The following WNK2 variants were observed in gnomAD, a reference collection of about 807,000 sequenced individuals.
WNK2 encodes serine/threonine-protein kinase WNK2.
In WNK2, 67 loss-of-function variants were observed where a neutral mutation model predicts 192.1. The observed-to-expected ratio is 0.35, with a 90% CI of 0.29 to 0.43. The LOEUF is 0.43. WNK2 is among the 20% of genes least tolerant of loss of function. The pLI, the probability that WNK2 is intolerant of heterozygous loss-of-function variation, is 1.00. For missense variants in WNK2, 2,698 were observed against 3,089.7 expected (o/e 0.87, Z 3.01); for synonymous variants, 1,439 against 1,393.9 (o/e 1.03, Z -0.72).
chr9:93,291,645 C>T (rs1244598218), intron 21 of WNK2, among the ~76,000 whole-genome samples: 1 of 152,162 alleles, frequency 6.6e-6, no homozygotes, highest in Non-Finnish European at 1.5e-5. Context: ...CATGTGCGGG[C>T]GGCCCCAACC....
chr9:93,202,519 T>C (rs1384437037), intron 2 of WNK2, among the ~76,000 whole-genome samples: 9 of 151,396 alleles, frequency 5.9e-5, no homozygotes, highest in Admixed American at 5.9e-4. Flanking sequence ...ACTTTCTGCT[T>C]GGGAGGGGCG....
At chr9:93,204,396 C>T (rs1833007006) in intron 2 of WNK2, among the ~76,000 whole-genome samples, 1 of 152,164 alleles carries the variant, frequency 6.6e-6, no homozygotes, top group Admixed American at 6.5e-5. Context: ...GAGGCCCAAG[C>T]ACCTGCAGGT....
intron 2 of WNK2, among the ~76,000 whole-genome samples, chr9:93,210,343 C>T (rs1182922056): frequency 6.6e-6 from 1 of 151,978 alleles, no homozygotes; most frequent in Non-Finnish European, 1.5e-5. Context: ...CACTGTTGGG[C>T]CCTTGCTGGA....
At chr9:93,288,762 A>T in intron 19 of WNK2, 26 bp from the exon 20 acceptor site, 1 of 1,587,058 alleles carries the variant, frequency 6.3e-7, no homozygotes, top group Non-Finnish European at 8.6e-7. Context: ...ACCCTGGTAC[A>T]AAGGCATTTT....
At chr9:93,311,609 T>A (rs1853650525) in intron 28 of WNK2, among the ~76,000 whole-genome samples, 1 of 30,712 alleles carries the variant, frequency 3.3e-5, no homozygotes, top group African/African-American at 8.0e-5. Context: ...CTGGGTTTTT[T>A]TGTTTGTGTG....
At chr9:93,271,570 CAA>C (rs1308751373) in intron 19 of WNK2, among the ~76,000 whole-genome samples, 1 of 152,080 alleles carries the variant, frequency 6.6e-6, no homozygotes, top group Non-Finnish European at 1.5e-5. Flanking sequence ...AAAGAAGAAA[CAA>C]ATGGAATTTT....
rs376385111 is a variant in WNK2, at chr9:93,234,791, G to C, written c.1076-17G>C. 1.9e-4 allele frequency: 298 copies of C among 1,607,954 alleles called. No individual in the cohort carries two copies. The African/African-American group carries it at 3.2e-3, about 17-fold the overall frequency. ...CCGTGGCCAGCTGACAGCTGCGTCTGTTGCTTCCGGGCACAGGTACTCCCG... is the reference window on the plus strand; with the variant it reads ...CCGTGGCCAGCTGACAGCTGCGTCTCTTGCTTCCGGGCACAGGTACTCCCG... On this transcript the variant is annotated splice_polypyrimidine_tract_variant and intron_variant, in intron 4 of 29. Coordinates refer to ENST00000427277, the MANE Select transcript of WNK2 (RefSeq NM_006648.4).
At chr9:93,192,261 C>T (rs1314250792) in intron 2 of WNK2, among the ~76,000 whole-genome samples, 2 of 150,780 alleles carry the variant, frequency 1.3e-5, no homozygotes, top group Admixed American at 6.6e-5. Context: ...TTGAGTGAGC[C>T]GAGATCGCAC....
At position 93,185,265 on chromosome 9, in the gene WNK2, G is replaced by GA; in HGVS notation, c.336_337insA (p.Asp113ArgfsTer44). On this transcript the variant is annotated frameshift_variant, in exon 2 of 30. Transcript: ENST00000427277. LOFTEE classifies it high-confidence loss of function. ...AGCCGGGAGCCCCCGGAGCCCCCGC[G>GA]GACGCCGGCCCCGAGCCCGTGGGCA... is the stretch of plus-strand genomic sequence containing the variant. 7.8e-7 allele frequency: 1 copy of GA among 1,280,158 alleles called. No individual in the cohort carries two copies. Among genetic ancestry groups the GA allele is most frequent in the Non-Finnish European group, 9.8e-7 (1 of 1,018,692 alleles). 79.3% of individuals were successfully genotyped at this position (1,280,158 alleles called of 1,614,324 possible).
intron 29 of WNK2, 107 bp from the exon 30 acceptor site, chr9:93,320,260 C>T (rs1855298351): frequency 1.0e-5 from 13 of 1,258,482 alleles, no homozygotes; most frequent in African/African-American, 1.5e-5. Flanking sequence ...GCAGAGCTGG[C>T]GCAGCCTTCC....
chr9:93,266,623 C>G (rs1845211888), intron 16 of WNK2, among the ~76,000 whole-genome samples: 1 of 152,224 alleles, frequency 6.6e-6, no homozygotes, highest in African/African-American at 2.4e-5. Context: ...GACAACATTG[C>G]AGTCACATGT....
In WNK2 at chr9:93,225,233, T is replaced by G. The variant is rs144521230; in HGVS notation, c.682-4463T>G. On this transcript the variant is annotated intron_variant, in intron 2 of 29. Transcript: ENST00000427277. ...TGGGCAACATGGTGAGACTACCATCTCTAAAAAAATAAAATTAGCCAGCGT... is the reference window on the plus strand; with the variant it reads ...TGGGCAACATGGTGAGACTACCATCGCTAAAAAAATAAAATTAGCCAGCGT... 3.6e-3 allele frequency among the ~76,000 whole-genome samples: 552 copies of G among 152,112 alleles called. 2 individuals carry two copies. The highest frequency in any genetic ancestry group is 0.013 in the African/African-American group (532 of 41,478).
intron 24 of WNK2, 111 bp from the exon 25 acceptor site, chr9:93,298,959 G>C (rs191495672): frequency 4.3e-6 from 5 of 1,167,166 alleles, no homozygotes; most frequent in Non-Finnish European, 4.7e-6. Context: ...TGCAGGAGAC[G>C]TGAGCTTCCC....
intron 9 of WNK2, among the ~76,000 whole-genome samples, chr9:93,255,321 C>G (rs1422694320): frequency 6.6e-6 from 1 of 152,182 alleles, no homozygotes; most frequent in Admixed American, 6.5e-5. Flanking sequence ...TGGAGGCTGT[C>G]TGGAGCACGA....
intron 23 of WNK2, among the ~76,000 whole-genome samples, chr9:93,295,977 A>C (rs1452614399): frequency 1.0e-4 from 6 of 57,968 alleles, no homozygotes; most frequent in South Asian, 6.5e-4. Flanking sequence ...TCCTCCCCTC[A>C]CCATCCTCCC....
intron 16 of WNK2, 47 bp downstream of exon 16, chr9:93,264,080 G>T (rs542228431): frequency 1.4e-6 from 2 of 1,419,740 alleles, no homozygotes; most frequent in Non-Finnish European, 2.0e-6. Context: ...TCTTGGACAC[G>T]TGTGGGCCTG....
intron 2 of WNK2, among the ~76,000 whole-genome samples, chr9:93,199,964 G>A (rs1316561027): frequency 6.6e-6 from 1 of 152,084 alleles, no homozygotes; most frequent in African/African-American, 2.4e-5. Context: ...CGGTTGGGCA[G>A]GTCCTGTGTG....
At chr9:93,317,395 C>T (rs1854886710) in intron 28 of WNK2, 125 bp from the exon 29 acceptor site, 1 of 850,562 alleles carries the variant, frequency 1.2e-6, no homozygotes, top group Non-Finnish European at 1.9e-6. Context: ...GGGTGCCTGT[C>T]ACAGCAGGTT....
intron 24 of WNK2, 21 bp from the exon 25 acceptor site, chr9:93,299,049 G>A (rs765497574): frequency 1.2e-5 from 19 of 1,600,602 alleles, no homozygotes; most frequent in Middle Eastern, 4.5e-4. Context: ...CGTGCCTGTC[G>A]CCTCTTCTCC....
Sources: gnomAD v4.1 joint callset for allele counts (sites outside exome capture counted in the v4.1 genomes callset) on GRCh38, gnomAD v4.1.1 for gene constraint, MANE v1.5 for transcripts, NCBI Gene and HGNC (gene_info 2026-07-23, HGNC 2026-07-21) for gene names.